LARP1B: variants seen among roughly 807,000 people sequenced by gnomAD.
LARP1B encodes the protein La ribonucleoprotein 1B.
In LARP1B, 76 loss-of-function variants were observed where a neutral mutation model predicts 114.2. The observed-to-expected ratio is 0.67, with a 90% CI of 0.55 to 0.81. The LOEUF is 0.81. LARP1B is among the 30% of genes least tolerant of loss of function. The pLI, the probability that LARP1B is intolerant of heterozygous loss-of-function variation, is 0.00. For synonymous variants in LARP1B, 345 were observed against 348.0 expected, an observed-to-expected ratio of 0.99 and a Z score of 0.10; for missense variants, 1,014 against 1,075.8, an observed-to-expected ratio of 0.94 and a Z score of 0.80.
At chr4:128,209,208 T>C (rs2150961394) in intron 19 of LARP1B, among the ~76,000 whole-genome samples, 1 of 152,102 alleles carries the variant, frequency 6.6e-6, no homozygotes, top group Admixed American at 6.5e-5. Flanking sequence ...CGCCTGAGCT[T>C]AGGAGTTTGA....
chr4:128,087,224 A>T (rs1487928502), intron 5 of LARP1B, among the ~76,000 whole-genome samples: 1 of 152,098 alleles, frequency 6.6e-6, no homozygotes, highest in Non-Finnish European at 1.5e-5. Context: ...TCCGGCCCAG[A>T]TACATTTTTT....
At chr4:128,098,745 G>GTGTGTGTATATATATATATA (rs1347182340) in intron 8 of LARP1B, among the ~76,000 whole-genome samples, 1 of 7,638 alleles carries the variant, frequency 1.3e-4, no homozygotes, top group African/African-American at 3.6e-4. Flanking sequence ...GTATATGTAT[G>GTGTGTGTATATATATATATA]TGTATATATA....
At chr4:128,159,295 A>G (rs1201697812) in intron 11 of LARP1B, among the ~76,000 whole-genome samples, 2 of 152,168 alleles carry the variant, frequency 1.3e-5, no homozygotes, top group Non-Finnish European at 2.9e-5. Flanking sequence ...TCATATAACT[A>G]TCACCACAGT....
Position 128,211,893 on chromosome 4 carries a change from ATTTT to A in LARP1B, c.*1842_*1845del. On this transcript the variant is annotated 3_prime_UTR_variant, in exon 20 of 20. Transcript: ENST00000326639. ...TTGTATTAATTAGTAGTTTTATCAT[ATTTT>A]TATTATAAAAGTAATACATGTACAT... is the stretch of plus-strand genomic sequence containing the variant. 1 of 361,140 alleles carries A rather than the reference ATTTT, an allele frequency of 2.8e-6. No homozygotes were observed. The highest frequency in any genetic ancestry group is 3.9e-6 in the Non-Finnish European group (1 of 259,566). 22.4% of individuals were successfully genotyped at this position (361,140 alleles called of 1,614,324 possible).
chr4:128,114,974 A>G (rs1051014513), intron 10 of LARP1B, among the ~76,000 whole-genome samples: 4 of 151,410 alleles, frequency 2.6e-5, no homozygotes, highest in Admixed American at 6.6e-5. Flanking sequence ...GTCTTGCCCT[A>G]TTGCCCAGGC....
chr4:128,168,491 A>G (rs1215048973), intron 12 of LARP1B, among the ~76,000 whole-genome samples: 1 of 152,010 alleles, frequency 6.6e-6, no homozygotes, highest in East Asian at 1.9e-4. Flanking sequence ...ACATATGTAC[A>G]TATGTAATTT....
rs72924443 is a variant in LARP1B at position 128,178,456 on chromosome 4, G to T, written c.1710G>T (p.Lys570Asn). The T allele has an allele frequency of 7.3e-4, 1,182 of 1,613,708 alleles. 9 individuals are homozygous for T. The African/African-American group carries it at 0.014, about 19-fold the overall frequency. ...ATTTGACTGATGAATTAGCTCAGAA[G>T]TTATTTGATGTTTCAGAAATAACTT... ...KKDLTDELAQ[K>N]LFDVSEITSA... is the part of the protein sequence containing the mutation. The change falls in exon 14 of 20, where the codon AAG (lysine) becomes AAT (asparagine). Residue 570 changes from lysine to asparagine, a missense_variant. Lys to Asn is a moderately conservative substitution (Grantham distance 94, BLOSUM62 0). Transcript: ENST00000326639.
chr4:128,110,278 GTATC>G (rs1470709264), intron 9 of LARP1B, among the ~76,000 whole-genome samples: 1 of 151,986 alleles, frequency 6.6e-6, no homozygotes, highest in African/African-American at 2.4e-5. Context: ...TTAAATATAT[GTATC>G]TAAATTTTTT....
At chr4:128,179,218 A>G (rs1747499076) in intron 14 of LARP1B, 188 bp from the exon 15 acceptor site, 5 of 419,544 alleles carry the variant, frequency 1.2e-5, no homozygotes, top group Non-Finnish European at 1.7e-5. Flanking sequence ...AACCTACCAA[A>G]GGACTTTATT....
At chr4:128,216,890 A>AC (rs1480660051), downstream of LARP1B, among the ~76,000 whole-genome samples, 1 of 152,182 alleles carries the variant, frequency 6.6e-6, no homozygotes, top group Non-Finnish European at 1.5e-5. Context: ...AAATTGATAG[A>AC]CCGCTAGCAA....
chr4:128,219,180 C>A (rs1297439174), intron 6 of LARP1B, among the ~76,000 whole-genome samples: 1 of 150,062 alleles, frequency 6.7e-6, no homozygotes, highest in Admixed American at 6.6e-5. Context: ...AATAGGAACA[C>A]TTTGACACTG....
At chr4:128,156,965 C>T (rs1736055419) in intron 11 of LARP1B, among the ~76,000 whole-genome samples, 1 of 150,234 alleles carries the variant, frequency 6.7e-6, no homozygotes, top group South Asian at 2.1e-4. Context: ...CTGCCAGTTC[C>T]ATCCTAAGCC....
At chr4:128,064,537 G>T (rs565996707) in intron 1 of LARP1B, among the ~76,000 whole-genome samples, 1 of 152,134 alleles carries the variant, frequency 6.6e-6, no homozygotes, top group East Asian at 1.9e-4. Flanking sequence ...AGAGAACATG[G>T]TTAAGTGAAG....
intron 10 of LARP1B, among the ~76,000 whole-genome samples, chr4:128,117,162 A>G (rs188783076): frequency 2.6e-4 from 40 of 151,718 alleles, no homozygotes; most frequent in African/African-American, 9.2e-4. Flanking sequence ...TTAGCCTCCC[A>G]AAGTGCTGGG....
At chr4:128,082,827 AT>A (rs1771072253) in intron 5 of LARP1B, among the ~76,000 whole-genome samples, 3 of 133,542 alleles carry the variant, frequency 2.2e-5, no homozygotes, top group South Asian at 4.6e-4. Context: ...TTTAATTTTT[AT>A]TTTTTTTATT....
chr4:128,136,837 A>G (rs1314521125), intron 11 of LARP1B, among the ~76,000 whole-genome samples: 1 of 152,140 alleles, frequency 6.6e-6, no homozygotes, highest in East Asian at 1.9e-4. Context: ...CCTGGCCTCA[A>G]GAGATTCTAT....
chr4:128,136,709 G>A (rs1047617292), intron 11 of LARP1B, among the ~76,000 whole-genome samples: 2 of 152,096 alleles, frequency 1.3e-5, no homozygotes, highest in African/African-American at 2.4e-5. Flanking sequence ...GAATTCCAAG[G>A]CATTTATATT....
intron 15 of LARP1B, among the ~76,000 whole-genome samples, chr4:128,182,672 G>A (rs1748966438): frequency 6.6e-6 from 1 of 152,070 alleles, no homozygotes; most frequent in Admixed American, 6.6e-5. Context: ...GAAATTAAGA[G>A]TCAAAATTCT....
At chr4:128,069,573 A>G (rs561869259) in intron 1 of LARP1B, 3 of 732,100 alleles carry the variant, frequency 4.1e-6, no homozygotes, top group South Asian at 1.4e-5. Flanking sequence ...AAGAAAGTGC[A>G]TTTTCTCCAT....
Sources: gnomAD v4.1 joint callset for allele counts (sites outside exome capture counted in the v4.1 genomes callset) on GRCh38, gnomAD v4.1.1 for gene constraint, MANE v1.5 for transcripts, NCBI Gene and HGNC (gene_info 2026-07-23, HGNC 2026-07-21) for gene names.